EBF3: variants seen among roughly 807,000 people sequenced by gnomAD.
EBF3 encodes transcription factor COE3.
EBF3 carries 18 observed loss-of-function variants against 77.1 expected under a neutral mutation model. The observed-to-expected ratio is 0.23, with a 90% CI of 0.16 to 0.35. The LOEUF (loss-of-function observed/expected upper bound fraction) is 0.35. Ranked by LOEUF, EBF3 falls within the 10% of genes least tolerant of loss-of-function variation. The pLI is 1.00. For synonymous variants in EBF3, 350 were observed against 343.5 expected, an observed-to-expected ratio of 1.02 and a Z score of -0.21; for missense variants, 558 against 860.0, an observed-to-expected ratio of 0.65 and a Z score of 4.39.
At chr10:129,919,076 C>T (rs545676350) in intron 6 of EBF3, among the ~76,000 whole-genome samples, 1 of 152,290 alleles carries the variant, frequency 6.6e-6, no homozygotes, top group South Asian at 2.1e-4. Flanking sequence ...CTCTCTCTGT[C>T]CCCGAGGTGC....
At chr10:129,843,097 T>TG (rs35210769) in intron 12 of EBF3, 40 bp downstream of exon 12, 1,022,099 of 1,585,030 alleles carry the variant, frequency 0.64, 334,923 homozygotes, top group Non-Finnish European at 0.69. Context: ...GGTTCTGGCA[T>TG]GGGGGGGAGG....
chr10:129,893,500 A>C (rs1007158530), intron 6 of EBF3, among the ~76,000 whole-genome samples: 1 of 152,222 alleles, frequency 6.6e-6, no homozygotes, highest in South Asian at 2.1e-4. Context: ...GAAAACTGTC[A>C]ATTTTTGTTC....
intron 14 of EBF3, 144 bp downstream of exon 14, chr10:129,840,700 G>A (rs1047801562): frequency 3.2e-6 from 4 of 1,250,856 alleles, no homozygotes; most frequent in East Asian, 2.4e-5. Context: ...TCAATTTACG[G>A]TCGCCATTTG....
chr10:129,869,343 G>A (rs562794942), intron 8 of EBF3, among the ~76,000 whole-genome samples: 1 of 152,298 alleles, frequency 6.6e-6, no homozygotes, highest in Admixed American at 6.5e-5. Flanking sequence ...GCCCAAAAAT[G>A]TAGTAACTAA....
chr10:129,868,111 G>A (rs1174837764), intron 8 of EBF3, among the ~76,000 whole-genome samples, 199 bp from the exon 9 acceptor site: 2 of 152,260 alleles, frequency 1.3e-5, no homozygotes, highest in Admixed American at 6.5e-5. Flanking sequence ...AGGAAAGGCC[G>A]AGCTGCGGAA....
At chr10:129,939,264 C>T (rs1198102417) in intron 6 of EBF3, among the ~76,000 whole-genome samples, 1 of 152,154 alleles carries the variant, frequency 6.6e-6, no homozygotes, top group South Asian at 2.1e-4. Context: ...TCCTGCCCTC[C>T]ACCCTCCCCT....
Position 129,863,930 on chromosome 10 carries a change from G to A in EBF3, c.1039+3211C>T, listed in dbSNP as rs1851814708. Among the ~76,000 whole-genome samples the A allele has an allele frequency of 6.6e-6, 1 of 152,130 alleles. No individual in the cohort carries two copies. The highest frequency in any genetic ancestry group is 2.1e-4 in the South Asian group (1 of 4,810). Reference sequence around the variant, plus strand: ...GCCAGGAAAGGCTGGGCTGTGGCAAGCATCACCAAACACCCACTCATGGGA... The same window carrying A: ...GCCAGGAAAGGCTGGGCTGTGGCAAACATCACCAAACACCCACTCATGGGA... On this transcript the variant is annotated intron_variant, in intron 10 of 16. Coordinates refer to ENST00000440978, the MANE Select transcript of EBF3 (RefSeq NM_001375380.1). The surrounding 1 kb of genome is among the most constrained non-coding windows in gnomAD (Gnocchi z 4.0).
chr10:129,930,097 C>T (rs904424068), intron 6 of EBF3, among the ~76,000 whole-genome samples: 1 of 152,176 alleles, frequency 6.6e-6, no homozygotes, highest in Non-Finnish European at 1.5e-5. Flanking sequence ...ACTTCAGGCT[C>T]CAGGCCTTTG....
At chr10:129,889,557 G>A (rs1163575277) in intron 6 of EBF3, among the ~76,000 whole-genome samples, 2 of 152,076 alleles carry the variant, frequency 1.3e-5, no homozygotes, top group African/African-American at 4.8e-5. Context: ...CCCCCCACCC[G>A]CTAAACAGCC....
intron 6 of EBF3, among the ~76,000 whole-genome samples, chr10:129,941,941 A>C (rs74685958): frequency 0.013 from 1,911 of 152,312 alleles, 39 homozygotes; most frequent in African/African-American, 0.044. Context: ...ACAGGGAGCA[A>C]AGTGAGCTCA....
intron 10 of EBF3, among the ~76,000 whole-genome samples, chr10:129,857,338 C>T (rs1298047027): frequency 1.3e-5 from 2 of 152,156 alleles, no homozygotes; most frequent in Admixed American, 6.5e-5. Context: ...AGAAGGCCAT[C>T]GTGTCCTCAT....
At chr10:129,912,017 C>A (rs1453927352) in intron 6 of EBF3, among the ~76,000 whole-genome samples, 1 of 152,166 alleles carries the variant, frequency 6.6e-6, no homozygotes, top group Non-Finnish European at 1.5e-5. Context: ...CCCGGGTGTG[C>A]ACGTCCACCT....
intron 6 of EBF3, among the ~76,000 whole-genome samples, chr10:129,948,075 G>A (rs1021960241): frequency 3.3e-5 from 5 of 151,832 alleles, no homozygotes; most frequent in African/African-American, 1.2e-4. Context: ...TGACCAACAT[G>A]GTGAAACCCC....
At chr10:129,932,281 T>C (rs1857075162) in intron 6 of EBF3, among the ~76,000 whole-genome samples, 1 of 152,202 alleles carries the variant, frequency 6.6e-6, no homozygotes, top group Non-Finnish European at 1.5e-5. Flanking sequence ...CTTCTCACAT[T>C]GGGGCATTCA....
intron 6 of EBF3, among the ~76,000 whole-genome samples, chr10:129,928,236 GCCCATTGTAGAAACTTTTGAAAATAC>G (rs745787597): frequency 1.7e-4 from 26 of 152,066 alleles, no homozygotes; most frequent in Non-Finnish European, 3.4e-4. Context: ...AATAACTGAT[GCCCATTGTAGAAACTTTTGAAAATAC>G]CTAAAAGTAT....
intron 6 of EBF3, among the ~76,000 whole-genome samples, chr10:129,918,592 C>G (rs545565830): frequency 6.6e-6 from 1 of 152,352 alleles, no homozygotes; most frequent in South Asian, 2.1e-4. Context: ...CCAGACGGAA[C>G]CCTGTGTGTT....
chr10:129,951,713 C>T (rs2134574892), intron 6 of EBF3, among the ~76,000 whole-genome samples: 1 of 152,368 alleles, frequency 6.6e-6, no homozygotes, highest in African/African-American at 2.4e-5. Context: ...GGCAGGCGAC[C>T]ACGCAAGCTG....
intron 14 of EBF3, 95 bp from the exon 15 acceptor site, chr10:129,840,537 G>A (rs1421791500): frequency 3.6e-6 from 5 of 1,381,844 alleles, no homozygotes; most frequent in Admixed American, 2.2e-5. Context: ...GGGGGCAGGG[G>A]CACGAAAACA....
intron 6 of EBF3, among the ~76,000 whole-genome samples, chr10:129,928,136 A>G (rs1363981687): frequency 6.6e-6 from 1 of 152,238 alleles, no homozygotes; most frequent in African/African-American, 2.4e-5. Context: ...GGTCAGCCTC[A>G]TGCGAAAACG....
Sources: gnomAD v4.1 joint callset for allele counts (sites outside exome capture counted in the v4.1 genomes callset) on GRCh38, gnomAD v4.1.1 for gene constraint, Gnocchi (gnomAD v3.1) non-coding constraint, MANE v1.5 for transcripts, NCBI Gene and HGNC (gene_info 2026-07-23, HGNC 2026-07-21) for gene names.